The following VWC2L variants were observed in gnomAD, a reference collection of about 807,000 sequenced individuals.
VWC2L encodes von Willebrand factor C domain-containing protein 2-like.
In VWC2L, 10 loss-of-function variants were observed where a neutral mutation model predicts 21.6. The ratio of observed to expected loss-of-function variants is 0.46; its 90% CI spans 0.29 to 0.78. VWC2L has a LOEUF of 0.78. VWC2L is among the 30% of genes least tolerant of loss of function. The probability of loss-of-function intolerance (pLI) is 0.10; values close to 1 mark genes in which losing one functional copy is unlikely to be tolerated. For synonymous variants in VWC2L, 96 were observed against 94.3 expected (o/e 1.02, Z -0.10); for missense variants, 209 against 277.1 (o/e 0.75, Z 1.74).
At chr2:214,480,864 C>CAAA (rs59720596) in intron 3 of VWC2L, among the ~76,000 whole-genome samples, 899 of 71,292 alleles carry the variant, frequency 0.013, 20 homozygotes, top group East Asian at 0.033. Context: ...TATGCCAAGC[C>CAAA]AAAAAAAAAA....
At chr2:214,522,523 C>T (rs769669065) in intron 3 of VWC2L, among the ~76,000 whole-genome samples, 1 of 151,632 alleles carries the variant, frequency 6.6e-6, no homozygotes, top group Non-Finnish European at 1.5e-5. Flanking sequence ...GAAGATGTTT[C>T]GTTACAGGCA....
At chr2:214,448,926 CCT>C (rs1702913403) in intron 3 of VWC2L, among the ~76,000 whole-genome samples, 1 of 152,190 alleles carries the variant, frequency 6.6e-6, no homozygotes, top group South Asian at 2.1e-4. Flanking sequence ...CACTCAATGC[CCT>C]CTGAGTCATC....
intron 3 of VWC2L, among the ~76,000 whole-genome samples, chr2:214,546,514 A>G (rs73989065): frequency 0.044 from 6,635 of 152,246 alleles, 492 homozygotes; most frequent in African/African-American, 0.15. Flanking sequence ...AGTTGTCCTC[A>G]TTGCCAGAGA....
chr2:214,563,030 C>T (rs923871703), intron 3 of VWC2L, among the ~76,000 whole-genome samples: 5 of 152,108 alleles, frequency 3.3e-5, no homozygotes, highest in African/African-American at 9.7e-5. Context: ...AAATCTTTCC[C>T]TTGCCTGCAT....
At chr2:214,428,776 A>G (rs1156803710) in intron 2 of VWC2L, among the ~76,000 whole-genome samples, 2 of 147,196 alleles carry the variant, frequency 1.4e-5, no homozygotes, top group Non-Finnish European at 3.0e-5. Flanking sequence ...TGAAGAAAAA[A>G]TTTCAATTTT....
chr2:214,532,919 C>CCTAGAGAGAGGGGACCCTGTG (rs1452160258), intron 3 of VWC2L, among the ~76,000 whole-genome samples: 1 of 6,110 alleles, frequency 1.6e-4, no homozygotes, highest in Non-Finnish European at 7.5e-4. Flanking sequence ...GGAGCAGTGA[C>CCTAGAGAGAGGGGACCCTGTG]CTAGAGAGAG....
At position 214,512,059 on chromosome 2, in the gene VWC2L, A is replaced by G. The variant is rs564837357; in HGVS notation, c.521-63613A>G. 2.6e-5 allele frequency among the ~76,000 whole-genome samples: 4 copies of G among 152,050 alleles called. No homozygotes were observed. The East Asian group carries it at 7.7e-4, about 29-fold the overall frequency. On this transcript the variant is annotated intron_variant, in intron 3 of 3. Transcript: ENST00000312504. Reference sequence around the variant, plus strand: ...CAAGCCATCCCTCTCTCACAAATGGACTATCCATTTCACTTGATCATATTT... The same window carrying G: ...CAAGCCATCCCTCTCTCACAAATGGGCTATCCATTTCACTTGATCATATTT...
At chr2:214,473,717 C>T (rs534262238) in intron 3 of VWC2L, 1 of 150,326 alleles carries the variant, frequency 6.7e-6, no homozygotes, top group East Asian at 2.0e-4. Flanking sequence ...AACTTTAATT[C>T]CAAGATGGCT....
At chr2:214,554,400 C>T (rs1689843035) in intron 3 of VWC2L, among the ~76,000 whole-genome samples, 1 of 152,162 alleles carries the variant, frequency 6.6e-6, no homozygotes, top group Non-Finnish European at 1.5e-5. Flanking sequence ...CCAGACATGC[C>T]TTGCCTGTAA....
At chr2:214,533,232 T>A (rs915108490) in intron 3 of VWC2L, among the ~76,000 whole-genome samples, 2 of 152,086 alleles carry the variant, frequency 1.3e-5, no homozygotes, top group Admixed American at 1.3e-4. Context: ...CAGCAGTAAT[T>A]ACATACGTAT....
intron 3 of VWC2L, among the ~76,000 whole-genome samples, chr2:214,485,127 A>C (rs956403594): frequency 1.3e-5 from 2 of 151,536 alleles, no homozygotes; most frequent in African/African-American, 4.8e-5. Context: ...GACCAGCCTG[A>C]CCAACATGGT....
intron 2 of VWC2L, among the ~76,000 whole-genome samples, chr2:214,425,761 C>G (rs1702511862): frequency 6.6e-6 from 1 of 151,906 alleles, no homozygotes; most frequent in Non-Finnish European, 1.5e-5. Flanking sequence ...GTGGGCTATA[C>G]CAAAATATAG....
chr2:214,556,803 A>G lies in VWC2L; in HGVS notation c.521-18869A>G, dbSNP rs1041343052. On this transcript the variant is annotated intron_variant, in intron 3 of 3. Coordinates refer to ENST00000312504, the MANE Select transcript of VWC2L (RefSeq NM_001080500.4). ...CCTTATTCCTCCAGTTTAACTCCTT[A>G]GTCTATCATTTCAACCACTCTCTTG... 2.6e-5 allele frequency among the ~76,000 whole-genome samples: 4 copies of G among 152,176 alleles called. No homozygotes were observed. In the South Asian group the frequency reaches 8.3e-4, roughly 32 times the overall value.
At chr2:214,483,037 G>A (rs924747478) in intron 3 of VWC2L, among the ~76,000 whole-genome samples, 2 of 152,126 alleles carry the variant, frequency 1.3e-5, no homozygotes, top group Non-Finnish European at 2.9e-5. Flanking sequence ...CAGTGAGCTT[G>A]CAATCAATAT....
chr2:214,463,469 C>A (rs945372140), intron 3 of VWC2L, among the ~76,000 whole-genome samples: 1 of 151,914 alleles, frequency 6.6e-6, no homozygotes, highest in Non-Finnish European at 1.5e-5. Flanking sequence ...CTATAAAGTC[C>A]TTTTCTTATA....
rs1702270937 is a variant in VWC2L, at chr2:214,411,584, GTTTC to G, written c.-277_-274del. ...CAAATTTCTTATATGTGTCTGCTGT[GTTTC>G]TTTCTGGAAGGGCGGGAGACTGCTT... On this transcript the variant is annotated 5_prime_UTR_variant, in exon 1 of 4. It introduces an in-frame stop codon into an upstream open reading frame of the 5' UTR. Coordinates refer to ENST00000312504, the MANE Select transcript of VWC2L (RefSeq NM_001080500.4). The G allele has an allele frequency of 3.3e-5, 5 of 152,302 alleles. No homozygotes were observed. The South Asian group carries it at 1.0e-3, about 32-fold the overall frequency. 9.4% of individuals were successfully genotyped at this position (152,302 alleles called of 1,614,324 possible).
chr2:214,499,053 C>T (rs1310834947), intron 3 of VWC2L, among the ~76,000 whole-genome samples: 2 of 115,414 alleles, frequency 1.7e-5, no homozygotes, highest in South Asian at 2.7e-4. Context: ...CAGAGTCTTG[C>T]TGTCACCCAG....
intron 3 of VWC2L, among the ~76,000 whole-genome samples, chr2:214,463,197 TGA>T (rs1344720948): frequency 6.6e-6 from 1 of 152,152 alleles, no homozygotes; most frequent in African/African-American, 2.4e-5. Context: ...TTTATCAGTT[TGA>T]GAGGTGGGTA....
chr2:214,473,549 G>C (rs1574584348), intron 3 of VWC2L, among the ~76,000 whole-genome samples: 1 of 152,088 alleles, frequency 6.6e-6, no homozygotes, highest in East Asian at 1.9e-4. Flanking sequence ...ATCTTTAATG[G>C]ACCAGGTCTG....
Sources: gnomAD v4.1 joint callset for allele counts (sites outside exome capture counted in the v4.1 genomes callset) on GRCh38, gnomAD v4.1.1 for gene constraint, MANE v1.5 for transcripts, NCBI Gene and HGNC (gene_info 2026-07-23, HGNC 2026-07-21) for gene names.